ANO2: variants seen among roughly 807,000 people sequenced by gnomAD.
The protein encoded by ANO2 is anoctamin 2.
ANO2 carries 101 observed loss-of-function variants against 124.2 expected under a neutral mutation model. The ratio of observed to expected loss-of-function variants is 0.81; its 90% CI spans 0.69 to 0.96. The LOEUF (loss-of-function observed/expected upper bound fraction) is 0.96, where lower values mean the gene tolerates loss of function less well. ANO2 is among the 40% of genes least tolerant of loss of function. ANO2 has a pLI of 0.00. For missense variants in ANO2, 1,293 were observed against 1,274.5 expected (o/e 1.01, Z -0.22); for synonymous variants, 486 against 482.5 (o/e 1.01, Z -0.09).
intron 20 of ANO2, among the ~76,000 whole-genome samples, chr12:5,587,575 T>C (rs1476352112): frequency 6.6e-6 from 1 of 152,202 alleles, no homozygotes; most frequent in East Asian, 1.9e-4. Context: ...GGGACAGTGA[T>C]GATTAATGTC....
intron 13 of ANO2, among the ~76,000 whole-genome samples, chr12:5,738,045 AC>A (rs1316845461): frequency 1.3e-5 from 2 of 152,066 alleles, no homozygotes; most frequent in Admixed American, 6.6e-5. Flanking sequence ...TTAAGTGAGA[AC>A]CCATGGGAGG....
At chr12:5,647,256 G>A (rs1204820894) in intron 15 of ANO2, among the ~76,000 whole-genome samples, 5 of 152,314 alleles carry the variant, frequency 3.3e-5, no homozygotes, top group African/African-American at 1.2e-4. Context: ...CCCTGACGCA[G>A]CTGAGACCGT....
In ANO2 at chr12:5,854,110, A is replaced by C. The variant is rs1955014299; in HGVS notation, c.566T>G (p.Ile189Arg). 6.2e-7 allele frequency: 1 copy of C among 1,613,246 alleles called. No individual in the cohort carries two copies. The highest frequency in any genetic ancestry group is 1.3e-5 in the African/African-American group (1 of 75,026). ...NKSQGSIFVR[I>R]HAPWQVLARE... ...GGCCAGCACCTGCCACGGGGCGTGT[A>C]TCCGGACAAAGATGGATCCCTGGCT... Residue 189 changes from isoleucine (I) to arginine (R), a missense_variant, in exon 4 of 25, where the codon ATA becomes AGA. Physicochemically the swap from Ile to Arg is moderately conservative, Grantham distance 97. Transcript: ENST00000682330.
chr12:5,760,835 G>A (rs997247989), intron 10 of ANO2, among the ~76,000 whole-genome samples: 5 of 151,962 alleles, frequency 3.3e-5, no homozygotes, highest in East Asian at 1.9e-4. Flanking sequence ...TCAACTGCTC[G>A]CTTTAACTTC....
At chr12:5,649,845 C>A (rs1349626391) in intron 14 of ANO2, among the ~76,000 whole-genome samples, 4 of 151,672 alleles carry the variant, frequency 2.6e-5, no homozygotes, top group African/African-American at 9.7e-5. Context: ...GGGATTTCAC[C>A]ATATTAGCCA....
At chr12:5,674,465 G>A (rs1388143959) in intron 14 of ANO2, among the ~76,000 whole-genome samples, 1 of 152,200 alleles carries the variant, frequency 6.6e-6, no homozygotes, top group African/African-American at 2.4e-5. Flanking sequence ...CTCCCAGCCA[G>A]CCAGAATGGA....
intron 3 of ANO2, among the ~76,000 whole-genome samples, chr12:5,916,747 A>G (rs1281377021): frequency 6.6e-6 from 1 of 151,220 alleles, no homozygotes; most frequent in Admixed American, 6.6e-5. Context: ...AAAACACTGT[A>G]TCTTTTCCAG....
intron 3 of ANO2, among the ~76,000 whole-genome samples, chr12:5,912,218 C>T (rs1464203064): frequency 6.6e-6 from 1 of 152,190 alleles, no homozygotes; most frequent in Non-Finnish European, 1.5e-5. Context: ...ACCCACTGCC[C>T]AGCTTTGTGC....
Position 5,605,865 on chromosome 12 carries a change from G to A in ANO2, c.2088-6236C>T, listed in dbSNP as rs187143096. ...ATGAAGTAATCTCAGAAGGAGATGC[G>A]TATGAACATCATCCTGGGGCCCAAA... On this transcript the variant is annotated intron_variant, in intron 19 of 24. Transcript: ENST00000682330. 9.2e-5 allele frequency among the ~76,000 whole-genome samples: 14 copies of A among 152,270 alleles called. No homozygotes were observed. The East Asian group carries it at 1.7e-3, about 19-fold the overall frequency.
intron 14 of ANO2, among the ~76,000 whole-genome samples, chr12:5,725,121 A>G (rs1565611816): frequency 7.0e-6 from 1 of 143,206 alleles, no homozygotes; most frequent in African/African-American, 2.6e-5. Flanking sequence ...ACACACACAC[A>G]CACGCAAACA....
chr12:5,850,897 C>G (rs969030462), intron 4 of ANO2, among the ~76,000 whole-genome samples: 10 of 152,182 alleles, frequency 6.6e-5, no homozygotes, highest in Non-Finnish European at 1.5e-4. Flanking sequence ...TGCATTTACA[C>G]AGCACTGGTT....
At chr12:5,590,625 T>C (rs4597141) in intron 20 of ANO2, among the ~76,000 whole-genome samples, 46,867 of 152,062 alleles carry the variant, frequency 0.31, 7,401 homozygotes, top group Admixed American at 0.38. Flanking sequence ...CAGAGTTTGC[T>C]TGGCCTCAGT....
chr12:5,664,091 T>C (rs924725431), intron 14 of ANO2, among the ~76,000 whole-genome samples: 1 of 152,254 alleles, frequency 6.6e-6, no homozygotes, highest in Non-Finnish European at 1.5e-5. Context: ...AATTCATACA[T>C]GAGTGCTTAC....
At chr12:5,648,441 C>A (rs961341050) in intron 14 of ANO2, among the ~76,000 whole-genome samples, 1 of 152,214 alleles carries the variant, frequency 6.6e-6, no homozygotes, top group Admixed American at 6.5e-5. Context: ...ATTCAATCAA[C>A]TTGGCTGAGA....
chr12:5,807,341 A>G lies in ANO2; in HGVS notation c.920T>C (p.Ile307Thr), dbSNP rs1365528056. 6.4e-7 allele frequency: 1 copy of G among 1,556,574 alleles called. No individual in the cohort carries two copies. Residue 307 changes from isoleucine (I) to threonine (T), a missense_variant, in exon 8 of 25, where the codon ATC becomes ACC. Coordinates refer to ENST00000682330, the MANE Select transcript of ANO2 (RefSeq NM_001364791.2). ...ATGAAGAGGGTAGGCAGCCTCATAG[A>G]TATTGTTTGCGATCAGAGAGTTAAT... Reference protein sequence around the residue: ...MGINSLIANNIYEAAYPLHDG... With the variant: ...MGINSLIANNTYEAAYPLHDG...
intron 14 of ANO2, among the ~76,000 whole-genome samples, chr12:5,724,119 G>C (rs183024972): frequency 6.6e-6 from 1 of 152,140 alleles, no homozygotes; most frequent in African/African-American, 2.4e-5. Context: ...AGGATGCTTA[G>C]GGCCCTTAAC....
At chr12:5,779,268 T>C (rs932421631) in intron 10 of ANO2, among the ~76,000 whole-genome samples, 2 of 152,206 alleles carry the variant, frequency 1.3e-5, no homozygotes, top group African/African-American at 4.8e-5. Context: ...TTTCTCCCAT[T>C]TCTACACTTT....
At chr12:5,927,531 C>T (rs1942138532) in intron 1 of ANO2, among the ~76,000 whole-genome samples, 1 of 152,222 alleles carries the variant, frequency 6.6e-6, no homozygotes. Context: ...CCCAAAGCCC[C>T]TCCCCAGCTT....
At chr12:5,772,194 C>G (rs1305863927) in intron 10 of ANO2, among the ~76,000 whole-genome samples, 5 of 152,144 alleles carry the variant, frequency 3.3e-5, no homozygotes, top group African/African-American at 1.2e-4. Context: ...AATTTTTCCT[C>G]TAGATGATGT....
Sources: allele counts gnomAD v4.1 joint callset (sites outside exome capture counted in the v4.1 genomes callset), GRCh38; gene constraint gnomAD v4.1.1; transcripts MANE v1.5; gene names NCBI Gene and HGNC (gene_info 2026-07-23, HGNC 2026-07-21).